Variants in PRAM1 observed in about 807,000 individuals in gnomAD.
PRAM1 encodes the protein PML-RARA regulated adaptor molecule 1, also known as PML-RARA-regulated adapter molecule 1.
In PRAM1, 41 loss-of-function variants were observed where a neutral mutation model predicts 55.3. The observed-to-expected ratio is 0.74, with a 90% CI of 0.58 to 0.96. The LOEUF is 0.96. Among genes scored for constraint, PRAM1 ranks in the 40% least tolerant of loss-of-function variants. The pLI, the probability that PRAM1 is intolerant of heterozygous loss-of-function variation, is 0.00. For synonymous variants in PRAM1, 401 were observed against 387.1 expected, an observed-to-expected ratio of 1.04 and a Z score of -0.42; for missense variants, 898 against 892.7, an observed-to-expected ratio of 1.01 and a Z score of -0.08.
At position 8,501,009 on chromosome 19, in the gene PRAM1, A is replaced by G. The variant is rs963001545; in HGVS notation, c.28-1229T>C. ...TCAAACTCACGACCTCAGGTGATCC[A>G]CCCTCCACCCGCCTCAGCCTCCCAA... On this transcript the variant is annotated intron_variant, in intron 1 of 9. Coordinates refer to ENST00000423345, the MANE Select transcript of PRAM1 (RefSeq NM_032152.5). Among the ~76,000 whole-genome samples the G allele has an allele frequency of 2.0e-5, 3 of 148,846 alleles. No homozygotes were observed. In the East Asian group the frequency reaches 5.9e-4, roughly 29 times the overall value.
Position 8,490,184 on chromosome 19 carries a change from C to A in PRAM1, c.*5G>T, listed in dbSNP as rs765683161. On this transcript the variant is annotated 3_prime_UTR_variant, in exon 10 of 10. Transcript: ENST00000423345. This position sits in a 1 kb window ranked among gnomAD's most constrained non-coding sequence, Gnocchi z 7.3. The stretch of plus-strand genomic sequence containing the variant: ...CTGGCTGTCCTGGCCCCACGCCTAC[C>A]GGTCTTACCGTCCCAGGGGGAGTGG... The A allele has an allele frequency of 1.9e-6, 3 of 1,571,566 alleles. No homozygotes were observed. The highest frequency in any genetic ancestry group is 8.6e-7 in the Non-Finnish European group (1 of 1,157,470).
intron 4 of PRAM1, among the ~76,000 whole-genome samples, chr19:8,497,173 CTTT>C (rs34873845): frequency 7.4e-4 from 88 of 118,834 alleles, no homozygotes; most frequent in African/African-American, 2.1e-3. Context: ...CCAAATCCTG[CTTT>C]TTTTTTTTTT....
Position 8,498,746 on chromosome 19 carries a change from G to C in PRAM1, c.1062C>G (p.Pro354=). ...TGGGCTCAGGCTGTGAGAACTTGCG[G>C]GGTGGCCCCCGGCGCTCCGGCTGCA... ...KLLQPERRGP[P]RKFSQPEPSA... is the part of the protein sequence containing the mutation. The change falls in exon 2 of 10, where the codon CCC becomes CCG. Residue 354 remains proline (P), a synonymous_variant. Transcript: ENST00000423345. 6.3e-7 allele frequency: 1 copy of C among 1,578,566 alleles called. No homozygotes were observed. Among genetic ancestry groups the C allele is most frequent in the Middle Eastern group, 1.7e-4 (1 of 6,024 alleles).
intron 5 of PRAM1, 37 bp from the exon 6 acceptor site, chr19:8,491,032 C>G (rs780856573): frequency 6.2e-7 from 1 of 1,612,808 alleles, no homozygotes; most frequent in Non-Finnish European, 8.5e-7. Context: ...TGCTCGTGAG[C>G]AAGTTGTGCT....
At position 8,498,940 on chromosome 19, in the gene PRAM1, G is replaced by A. The variant is rs771476394; in HGVS notation, c.868C>T (p.Leu290Phe). The A allele has an allele frequency of 3.2e-5, 52 of 1,613,784 alleles. No homozygotes were observed. In the East Asian group the frequency reaches 1.0e-3, roughly 32 times the overall value. The change falls in exon 2 of 10, where the codon CTT becomes TTT. Residue 290 changes from leucine to phenylalanine, a missense_variant. Coordinates refer to ENST00000423345, the MANE Select transcript of PRAM1 (RefSeq NM_032152.5). ...GAGGAGGTCCTGGTGAGGTCCCCAA[G>A]CTCAGGCTGCGGAGGCTTCTTGGGA... ...DFPKKPPQPE[L>F]GDLTRTSSEP...
intron 4 of PRAM1, among the ~76,000 whole-genome samples, chr19:8,494,077 C>T (rs1258969114): frequency 6.6e-6 from 1 of 152,210 alleles, no homozygotes. Flanking sequence ...GGATTTTAGG[C>T]ATGAGCCACC....
At chr19:8,491,501 G>A in intron 4 of PRAM1, 2 of 395,620 alleles carry the variant, frequency 5.1e-6, no homozygotes, top group South Asian at 4.7e-5. Flanking sequence ...CTAAAGTGCT[G>A]GGATTACAGG....
chr19:8,498,123 G>C (rs1411384843), intron 3 of PRAM1, 100 bp downstream of exon 3: 52 of 1,265,660 alleles, frequency 4.1e-5, no homozygotes, highest in Non-Finnish European at 5.7e-5. Context: ...CAGGAGATCC[G>C]CCCACTTCAG....
chr19:8,495,154 C>A (rs1971681256), intron 4 of PRAM1, among the ~76,000 whole-genome samples: 2 of 151,698 alleles, frequency 1.3e-5, no homozygotes, highest in South Asian at 4.2e-4. Context: ...AGCTGGAGTC[C>A]AATGGCGTGA....
chr19:8,491,135 T>C lies in PRAM1; in HGVS notation c.1599A>G (p.Gln533=). ...GGTCTTGTGGTGGCCTCCTGGCGGCTTGCTGAACTGAGGGCGCTTCATCTG... is the reference window on the plus strand; with the variant it reads ...GGTCTTGTGGTGGCCTCCTGGCGGCCTGCTGAACTGAGGGCGCTTCATCTG... ...KGRDEAPSVQ[Q]AARRPPQDPA... The change falls in exon 5 of 10, where the codon CAA becomes CAG. Residue 533 remains glutamine, a synonymous_variant. Transcript: ENST00000423345. 6.2e-7 allele frequency: 1 copy of C among 1,611,872 alleles called. No individual in the cohort carries two copies. Among genetic ancestry groups the C allele is most frequent in the Non-Finnish European group, 8.5e-7 (1 of 1,179,780 alleles).
chr19:8,500,660 C>T (rs1971794223), intron 1 of PRAM1, among the ~76,000 whole-genome samples: 1 of 152,222 alleles, frequency 6.6e-6, no homozygotes, highest in Non-Finnish European at 1.5e-5. Context: ...CTGCCCTGTC[C>T]CTGACCCAGG....
Position 8,490,534 on chromosome 19 carries a change from G to C in PRAM1, c.1907-25C>G. ...TCTGTGGAGAGAGTGGGCATGGTGG[G>C]TTCTGAGGCCCAGGGTGGCGGCGGG... On this transcript the variant is annotated intron_variant, in intron 7 of 9. Coordinates refer to ENST00000423345, the MANE Select transcript of PRAM1 (RefSeq NM_032152.5). The surrounding 1 kb of genome is among the most constrained non-coding windows in gnomAD (Gnocchi z 7.3). The C allele has an allele frequency of 6.2e-7, 1 of 1,607,376 alleles. No individual in the cohort carries two copies. The highest frequency in any genetic ancestry group is 8.5e-7 in the Non-Finnish European group (1 of 1,177,146).
At chr19:8,491,691 G>GC in intron 4 of PRAM1, 1 of 171,554 alleles carries the variant, frequency 5.8e-6, no homozygotes, top group Non-Finnish European at 1.3e-5. Context: ...CTTAACTCCT[G>GC]CCACGTGCTC....
In PRAM1 at chr19:8,498,975, A is replaced by C; in HGVS notation, c.833T>G (p.Leu278Arg). ...AFPKKASQPP[L>R]SDFPKKPPQP... is the part of the protein sequence containing the mutation. The stretch of plus-strand genomic sequence containing the variant: ...CGGAGGCTTCTTGGGAAAGTCACTC[A>C]GCGGAGGCTGGGAGGCCTTTTTGGG... Residue 278 changes from leucine (L) to arginine (R), a missense_variant, in exon 2 of 10, where the codon CTG (leucine) becomes CGG (arginine). By Grantham distance (102) the Leu-to-Arg change is moderately radical. Transcript: ENST00000423345. 1 of 1,613,762 alleles carries C rather than the reference A, an allele frequency of 6.2e-7. No homozygotes were observed. Among genetic ancestry groups the C allele is most frequent in the Non-Finnish European group, 8.5e-7 (1 of 1,179,816 alleles).
At chr19:8,499,894 C>T (rs1201756179) in intron 1 of PRAM1, 114 bp from the exon 2 acceptor site, 19 of 874,354 alleles carry the variant, frequency 2.2e-5, no homozygotes, top group Admixed American at 1.7e-4. Context: ...CGCCCAGGCC[C>T]GGTCAGCCCT....
intron 1 of PRAM1, 25 bp from the exon 2 acceptor site, chr19:8,499,805 CA>C (rs772882510): frequency 6.4e-7 from 1 of 1,552,860 alleles, no homozygotes; most frequent in South Asian, 1.2e-5. Context: ...GCCAATGAGG[CA>C]GGGGCTCAAA....
Position 8,494,228 on chromosome 19 carries a change from C to T in PRAM1, c.1577-3071G>A, listed in dbSNP as rs372891230. Among the ~76,000 whole-genome samples, 4 of 152,292 alleles carry T rather than the reference C, an allele frequency of 2.6e-5. No individual in the cohort carries two copies. The East Asian group carries it at 7.7e-4, about 29-fold the overall frequency. ...TTGAGGAGAGGCAGATGCTCCTAGCCTCGGAAGAGGTGGGGGATTCCAGCA... is the reference window on the plus strand; with the variant it reads ...TTGAGGAGAGGCAGATGCTCCTAGCTTCGGAAGAGGTGGGGGATTCCAGCA... On this transcript the variant is annotated intron_variant, in intron 4 of 9. Coordinates refer to ENST00000423345, the MANE Select transcript of PRAM1 (RefSeq NM_032152.5).
At chr19:8,494,223 C>T (rs116059063) in intron 4 of PRAM1, among the ~76,000 whole-genome samples, 2,421 of 152,288 alleles carry the variant, frequency 0.016, 46 homozygotes, top group African/African-American at 0.054. Flanking sequence ...GCAGATGCTC[C>T]TAGCCTCGGA....
chr19:8,494,075 G>A (rs1427566810), intron 4 of PRAM1, among the ~76,000 whole-genome samples: 2 of 152,174 alleles, frequency 1.3e-5, no homozygotes, highest in Non-Finnish European at 2.9e-5. Flanking sequence ...TGGGATTTTA[G>A]GCATGAGCCA....
Sources: allele counts gnomAD v4.1 joint callset (sites outside exome capture counted in the v4.1 genomes callset), GRCh38; gene constraint gnomAD v4.1.1; non-coding constraint Gnocchi (gnomAD v3.1); transcripts MANE v1.5; gene names NCBI Gene and HGNC (gene_info 2026-07-23, HGNC 2026-07-21).